The following FGGY variants were observed in gnomAD, a reference collection of about 807,000 sequenced individuals.
FGGY encodes FGGY carbohydrate kinase domain-containing protein.
FGGY carries 72 observed loss-of-function variants against 71.3 expected under a neutral mutation model. The observed-to-expected ratio is 1.01, with a 90% CI of 0.84 to 1.23. The LOEUF (loss-of-function observed/expected upper bound fraction) is 1.23. Among genes scored for constraint, FGGY ranks in the 50% most tolerant of loss-of-function variants. FGGY has a pLI of 0.00. For missense variants in FGGY, 668 were observed against 682.3 expected, an observed-to-expected ratio of 0.98 and a Z score of 0.23; for synonymous variants, 251 against 250.3, an observed-to-expected ratio of 1.00 and a Z score of -0.02.
chr1:59,460,764 G>A (rs536107152), intron 6 of FGGY, among the ~76,000 whole-genome samples: 2 of 152,318 alleles, frequency 1.3e-5, no homozygotes, highest in Non-Finnish European at 1.5e-5. Flanking sequence ...TGCAGCCTCC[G>A]CTGGTAATAC....
intron 7 of FGGY, among the ~76,000 whole-genome samples, chr1:59,553,284 G>A (rs554315307): frequency 1.9e-4 from 29 of 152,342 alleles, no homozygotes; most frequent in African/African-American, 7.0e-4. Context: ...CTGCGTGTTT[G>A]TGGCTTCCAC....
chr1:59,574,515 C>A (rs1571480000), intron 8 of FGGY, among the ~76,000 whole-genome samples: 1 of 151,834 alleles, frequency 6.6e-6, no homozygotes, highest in South Asian at 2.1e-4. Flanking sequence ...ACATGGTGAT[C>A]TTTTCAGGAG....
chr1:59,637,985 A>C (rs1330134783), intron 10 of FGGY, among the ~76,000 whole-genome samples: 1 of 152,224 alleles, frequency 6.6e-6, no homozygotes, highest in African/African-American at 2.4e-5. Flanking sequence ...ATGGCCATAC[A>C]TCTACTAAGA....
intron 8 of FGGY, among the ~76,000 whole-genome samples, chr1:59,587,577 C>A (rs964781295): frequency 2.0e-5 from 3 of 152,072 alleles, no homozygotes; most frequent in African/African-American, 7.2e-5. Flanking sequence ...CTCACACGGC[C>A]GGGTACTCCT....
At chr1:59,352,623 G>A (rs980017082) in intron 4 of FGGY, among the ~76,000 whole-genome samples, 1 of 152,164 alleles carries the variant, frequency 6.6e-6, no homozygotes, top group South Asian at 2.1e-4. Context: ...TGGATGGCTA[G>A]AGAGGTGGTT....
intron 7 of FGGY, among the ~76,000 whole-genome samples, chr1:59,540,564 G>A (rs1271436268): frequency 1.3e-5 from 2 of 152,124 alleles, no homozygotes; most frequent in Non-Finnish European, 2.9e-5. Context: ...CATGGTATTT[G>A]GAAAAGGACA....
intron 2 of FGGY, among the ~76,000 whole-genome samples, chr1:59,325,651 A>G (rs1243213571): frequency 1.3e-5 from 2 of 152,226 alleles, no homozygotes; most frequent in Non-Finnish European, 2.9e-5. Context: ...ATTGCCTGGC[A>G]CAAATTAGGT....
chr1:59,701,878 T>A (rs146301607), intron 14 of FGGY, among the ~76,000 whole-genome samples: 19 of 152,284 alleles, frequency 1.2e-4, no homozygotes, highest in African/African-American at 4.6e-4. Context: ...TATAAATGAA[T>A]GAATCAGTGA....
At chr1:59,612,890 G>C (rs940610174) in intron 9 of FGGY, among the ~76,000 whole-genome samples, 10 of 152,216 alleles carry the variant, frequency 6.6e-5, no homozygotes, top group Admixed American at 5.2e-4. Flanking sequence ...AAGATCAAAA[G>C]AGACAAAGAA....
intron 14 of FGGY, among the ~76,000 whole-genome samples, chr1:59,700,103 A>T (rs113576539): frequency 6.6e-6 from 1 of 152,230 alleles, no homozygotes; most frequent in Non-Finnish European, 1.5e-5. Flanking sequence ...TTCTTCGATT[A>T]TATAAAAACT....
intron 14 of FGGY, among the ~76,000 whole-genome samples, chr1:59,716,829 G>A (rs759355162): frequency 3.9e-5 from 6 of 152,114 alleles, no homozygotes; most frequent in Non-Finnish European, 8.8e-5. Context: ...TGATGGAAGC[G>A]GGAAAAGGAA....
At chr1:59,448,307 C>T (rs1013096050) in intron 5 of FGGY, among the ~76,000 whole-genome samples, 5 of 152,110 alleles carry the variant, frequency 3.3e-5, no homozygotes, top group African/African-American at 9.7e-5. Context: ...TCAGAAGCCT[C>T]TTTTTGTTTT....
chr1:59,370,115 C>G (rs192653974), intron 4 of FGGY, among the ~76,000 whole-genome samples: 1 of 152,026 alleles, frequency 6.6e-6, no homozygotes, highest in African/African-American at 2.4e-5. Flanking sequence ...GAAACTACTC[C>G]GAGCTACTGG....
intron 7 of FGGY, among the ~76,000 whole-genome samples, chr1:59,524,007 C>G (rs145992444): frequency 1.1e-3 from 160 of 152,356 alleles, no homozygotes; most frequent in African/African-American, 3.6e-3. Context: ...GGCACATCTG[C>G]AGCCGCCCAG....
intron 6 of FGGY, among the ~76,000 whole-genome samples, chr1:59,493,698 T>C (rs1403866540): frequency 6.6e-6 from 1 of 152,104 alleles, no homozygotes; most frequent in Non-Finnish European, 1.5e-5. Flanking sequence ...AGATGAAAAA[T>C]GTTCTAGAAA....
chr1:59,482,278 T>C (rs1283980098), intron 6 of FGGY, among the ~76,000 whole-genome samples: 2 of 152,126 alleles, frequency 1.3e-5, no homozygotes, highest in African/African-American at 4.8e-5. Context: ...CTGGAATTAT[T>C]TCAAAAACCA....
chr1:59,468,741 G>A (rs928454698), intron 6 of FGGY, among the ~76,000 whole-genome samples: 1 of 151,832 alleles, frequency 6.6e-6, no homozygotes, highest in Non-Finnish European at 1.5e-5. Context: ...GTGTGGTCGC[G>A]GGCGCCTGTA....
chr1:59,610,107 G>A (rs2096660211), intron 9 of FGGY, among the ~76,000 whole-genome samples: 1 of 152,214 alleles, frequency 6.6e-6, no homozygotes, highest in African/African-American at 2.4e-5. Flanking sequence ...GGATACAAGT[G>A]CAGAACCTGC....
At chr1:59,565,315 C>T (rs370840628) in intron 8 of FGGY, among the ~76,000 whole-genome samples, 3 of 151,884 alleles carry the variant, frequency 2.0e-5, no homozygotes, top group East Asian at 1.9e-4. Context: ...AGAGTCTTGT[C>T]GCACTCTTGC....
Sources: gnomAD v4.1 joint callset for allele counts (sites outside exome capture counted in the v4.1 genomes callset) on GRCh38, gnomAD v4.1.1 for gene constraint, MANE v1.5 for transcripts, NCBI Gene and HGNC (gene_info 2026-07-23, HGNC 2026-07-21) for gene names.